Variants in TMEM132D observed in about 807,000 individuals in gnomAD.
The protein encoded by TMEM132D is transmembrane protein 132D.
A neutral mutation model predicts 62.3 loss-of-function variants in TMEM132D; 21 were observed. The ratio of observed to expected loss-of-function variants is 0.34; its 90% confidence interval spans 0.24 to 0.49. The LOEUF (loss-of-function observed/expected upper bound fraction) is 0.49. Among genes scored for constraint, TMEM132D ranks in the 20% least tolerant of loss-of-function variants. The pLI is 0.99. For synonymous variants in TMEM132D, 621 were observed against 575.6 expected, an observed-to-expected ratio of 1.08 and a Z score of -1.13; for missense variants, 1,346 against 1,402.8, an observed-to-expected ratio of 0.96 and a Z score of 0.65.
At chr12:129,603,791 C>A (rs1447562632) in intron 2 of TMEM132D, among the ~76,000 whole-genome samples, 1 of 152,158 alleles carries the variant, frequency 6.6e-6, no homozygotes, top group Non-Finnish European at 1.5e-5. Flanking sequence ...ACCAGAAATA[C>A]CATTTGACCC....
At chr12:129,650,435 T>C (rs1879898090) in intron 2 of TMEM132D, among the ~76,000 whole-genome samples, 1 of 152,214 alleles carries the variant, frequency 6.6e-6, no homozygotes, top group Admixed American at 6.5e-5. Flanking sequence ...ATTTATCATA[T>C]TTTTTGTGAG....
intron 5 of TMEM132D, among the ~76,000 whole-genome samples, chr12:129,205,755 C>A (rs897118641): frequency 6.6e-6 from 1 of 151,862 alleles, no homozygotes; most frequent in African/African-American, 2.4e-5. Context: ...AAATCAACCA[C>A]ATAATCAGAC....
chr12:129,099,491 C>T (rs536373844), intron 5 of TMEM132D, among the ~76,000 whole-genome samples: 1 of 152,280 alleles, frequency 6.6e-6, no homozygotes, highest in African/African-American at 2.4e-5. Context: ...GAACACTAGC[C>T]CTTCAGATGC....
intron 3 of TMEM132D, among the ~76,000 whole-genome samples, chr12:129,409,915 A>T (rs755786281): frequency 6.6e-6 from 1 of 152,118 alleles, no homozygotes; most frequent in African/African-American, 2.4e-5. Context: ...CTTGATGGGG[A>T]CTATGAGTTA....
chr12:129,074,413 T>C lies in TMEM132D; in HGVS notation c.2762A>G (p.Tyr921Cys), dbSNP rs1326690609. 6 of 1,613,980 alleles carry C rather than the reference T, an allele frequency of 3.7e-6. No homozygotes were observed. The highest frequency in any genetic ancestry group is 5.1e-6 in the Non-Finnish European group (6 of 1,180,042). ...CAAACAGAAGACTCCCAACAAAGCA[T>C]ACATCCCAATTTCTAAGTCGCTCAG... ...KGLSDLEIGM[Y>C]ALLGVFCLAI... The change falls in exon 9 of 9, where the codon TAT becomes TGT. Residue 921 changes from tyrosine to cysteine, a missense_variant. Tyr to Cys is a radical substitution (Grantham distance 194, BLOSUM62 -2). Coordinates refer to ENST00000422113, the MANE Select transcript of TMEM132D (RefSeq NM_133448.3).
In TMEM132D at chr12:129,885,731, T is replaced by C. The variant is rs138819378; in HGVS notation, c.79+17530A>G. 3.8e-3 allele frequency among the ~76,000 whole-genome samples: 580 copies of C among 152,362 alleles called. 4 individuals are homozygous for C. The highest frequency in any genetic ancestry group is 0.013 in the African/African-American group (543 of 41,580). The stretch of plus-strand genomic sequence containing the variant: ...TAGTTGCTAAGGATGAAGTTTCTAG[T>C]GTATTGTAAATCTTGACATTTTAAA... On this transcript the variant is annotated intron_variant, in intron 1 of 8. Transcript: ENST00000422113.
rs1874072210 is a variant in TMEM132D, at chr12:129,071,747, AT to A, written c.*2127del. 6.6e-6 allele frequency: 1 copy of A among 152,308 alleles called. No individual in the cohort carries two copies. 9.4% of individuals were successfully genotyped at this position (152,308 alleles called of 1,614,324 possible). On this transcript the variant is annotated 3_prime_UTR_variant, in exon 9 of 9. Transcript: ENST00000422113. Reference sequence around the variant, plus strand: ...TAAAGCCACTGAATGCAAACTTTATATTTACAGTCAGTAAGTTTATAAATAT... The same window carrying A: ...TAAAGCCACTGAATGCAAACTTTATATTACAGTCAGTAAGTTTATAAATAT...
At chr12:129,233,788 G>A (rs55906132) in intron 4 of TMEM132D, among the ~76,000 whole-genome samples, 1,547 of 152,006 alleles carry the variant, frequency 0.01, 27 homozygotes, top group African/African-American at 0.035. Context: ...CACCACGCCC[G>A]GCTAACCCTG....
chr12:129,791,888 C>CA (rs1397545740), intron 1 of TMEM132D, among the ~76,000 whole-genome samples: 1 of 152,178 alleles, frequency 6.6e-6, no homozygotes, highest in Non-Finnish European at 1.5e-5. Context: ...CTGTTTAACA[C>CA]ACACACACTC....
At chr12:129,260,784 A>T (rs1272753844) in intron 4 of TMEM132D, among the ~76,000 whole-genome samples, 1 of 151,384 alleles carries the variant, frequency 6.6e-6, no homozygotes, top group African/African-American at 2.4e-5. Flanking sequence ...TCCATTTCTG[A>T]GCTACTTCAC....
intron 1 of TMEM132D, among the ~76,000 whole-genome samples, chr12:129,763,977 A>G (rs4641522): frequency 0.95 from 144,128 of 152,256 alleles, 68,499 homozygotes; most frequent in Non-Finnish European, 1. Context: ...ATCAGATCAC[A>G]CCTCGTTGCA....
At chr12:129,297,112 G>A (rs11060241) in intron 4 of TMEM132D, among the ~76,000 whole-genome samples, 2 of 152,182 alleles carry the variant, frequency 1.3e-5, no homozygotes, top group Admixed American at 6.5e-5. Context: ...GCCTGGACAC[G>A]CAGGGAGACC....
intron 1 of TMEM132D, among the ~76,000 whole-genome samples, chr12:129,807,654 C>T (rs576171286): frequency 5.9e-5 from 9 of 152,086 alleles, no homozygotes; most frequent in Non-Finnish European, 1.0e-4. Context: ...ATCTGTCTTC[C>T]GACTCTCCTT....
chr12:129,722,203 T>C (rs1868859325), intron 1 of TMEM132D, among the ~76,000 whole-genome samples: 1 of 152,168 alleles, frequency 6.6e-6, no homozygotes, highest in African/African-American at 2.4e-5. Flanking sequence ...TCCTTTCCAA[T>C]GAGAAACTGT....
intron 1 of TMEM132D, among the ~76,000 whole-genome samples, chr12:129,813,536 G>A (rs1872250871): frequency 6.6e-6 from 1 of 150,578 alleles, no homozygotes; most frequent in African/African-American, 2.4e-5. Context: ...CACATTCACT[G>A]CAGCCAACTC....
chr12:129,659,264 G>A (rs778291358), intron 2 of TMEM132D, among the ~76,000 whole-genome samples: 2 of 152,028 alleles, frequency 1.3e-5, no homozygotes, highest in African/African-American at 2.4e-5. Context: ...AAGAAAAATC[G>A]ATGGCTGTTT....
chr12:129,880,439 T>C (rs1270495624), intron 1 of TMEM132D, among the ~76,000 whole-genome samples: 3 of 152,166 alleles, frequency 2.0e-5, no homozygotes, highest in Non-Finnish European at 4.4e-5. Context: ...CTTCCGGATG[T>C]GATTAAAATG....
At chr12:129,261,699 T>A (rs1453117194) in intron 4 of TMEM132D, among the ~76,000 whole-genome samples, 3 of 152,202 alleles carry the variant, frequency 2.0e-5, no homozygotes, top group Non-Finnish European at 2.9e-5. Context: ...GGCTTGCAGA[T>A]GGCCTTGTCC....
intron 1 of TMEM132D, among the ~76,000 whole-genome samples, chr12:129,798,297 G>C (rs1871625920): frequency 6.6e-6 from 1 of 152,144 alleles, no homozygotes; most frequent in Admixed American, 6.5e-5. Context: ...AAGAAAAACG[G>C]AGTCAGATTT....
Sources: allele counts gnomAD v4.1 joint callset (sites outside exome capture counted in the v4.1 genomes callset), GRCh38; gene constraint gnomAD v4.1.1; transcripts MANE v1.5; gene names NCBI Gene and HGNC (gene_info 2026-07-23, HGNC 2026-07-21).